COL23A1: variants seen among roughly 807,000 people sequenced by gnomAD.
COL23A1 encodes collagen type XXIII alpha 1 chain, also known as collagen alpha-1(XXIII) chain.
COL23A1 carries 97 observed loss-of-function variants against 99.3 expected under a neutral mutation model. The observed-to-expected ratio is 0.98, with a 90% CI of 0.83 to 1.16. The LOEUF (loss-of-function observed/expected upper bound fraction) is 1.16, where lower values mean the gene tolerates loss of function less well. Among genes scored for constraint, COL23A1 ranks in the 50% most tolerant of loss-of-function variants. COL23A1 has a pLI of 0.00. For missense variants in COL23A1, 762 were observed against 757.4 expected (o/e 1.01, Z -0.07); for synonymous variants, 320 against 308.2 (o/e 1.04, Z -0.40).
Position 178,263,305 on chromosome 5 carries a change from C to T in COL23A1, c.542G>A (p.Gly181Glu), listed in dbSNP as rs746848911. The T allele has an allele frequency of 1.9e-6, 3 of 1,601,038 alleles. No homozygotes were observed. Among genetic ancestry groups the T allele is most frequent in the Non-Finnish European group, 2.6e-6 (3 of 1,175,766 alleles). Residue 181 changes from glycine to glutamate, a missense_variant, in exon 9 of 29, where the codon GGA becomes GAA. By Grantham distance (98) the Gly-to-Glu change is moderately conservative. Transcript: ENST00000390654. ...FGPRGDQGQD[G>E]AAGPPGPPGP... ...AGGGGGCCCCGGAGGCCCAGCAGCT[C>T]CATCTTGTCCTTGGTCTCCCTGAAA...
In COL23A1 at chr5:178,469,428, GC is replaced by G. The variant is rs751742576; in HGVS notation, c.361+91253del. The stretch of plus-strand genomic sequence containing the variant: ...TTCCTCTGAGATACTGTTGTTCTAA[GC>G]CCCACCACATTCTACGAAGCTCCAT... On this transcript the variant is annotated intron_variant, in intron 2 of 28. Coordinates refer to ENST00000390654, the MANE Select transcript of COL23A1 (RefSeq NM_173465.4). 3.9e-5 allele frequency among the ~76,000 whole-genome samples: 6 copies of G among 152,242 alleles called. No homozygotes were observed. In the East Asian group the frequency reaches 9.7e-4, roughly 25 times the overall value.
chr5:178,324,750 C>T (rs749425), intron 2 of COL23A1, among the ~76,000 whole-genome samples: 13,052 of 152,288 alleles, frequency 0.086, 616 homozygotes, highest in Middle Eastern at 0.15. Context: ...CCAGTTCTAA[C>T]GGAAATGGGT....
At chr5:178,326,931 G>A (rs143752704) in intron 2 of COL23A1, among the ~76,000 whole-genome samples, 4,824 of 152,288 alleles carry the variant, frequency 0.032, 98 homozygotes, top group Non-Finnish European at 0.042. Flanking sequence ...TGCTGGTCAG[G>A]CTGGTCTCGA....
At chr5:178,381,222 G>A (rs576138607) in intron 2 of COL23A1, among the ~76,000 whole-genome samples, 3 of 152,326 alleles carry the variant, frequency 2.0e-5, no homozygotes, top group South Asian at 2.1e-4. Context: ...AGGTCCCTTC[G>A]GACTTGGGAA....
rs190755231 is a variant in COL23A1, at chr5:178,244,060, A to T, written c.1441-1666T>A. Reference sequence around the variant, plus strand: ...AGTGGCACGATCTCAGCTCATTGCAAGCTCCGCCTCCTGGGCTCATGCCAT... The same window carrying T: ...AGTGGCACGATCTCAGCTCATTGCATGCTCCGCCTCCTGGGCTCATGCCAT... On this transcript the variant is annotated intron_variant, in intron 25 of 28. Coordinates refer to ENST00000390654, the MANE Select transcript of COL23A1 (RefSeq NM_173465.4). Among the ~76,000 whole-genome samples, 838 of 152,194 alleles carry T rather than the reference A, an allele frequency of 5.5e-3. 10 individuals are homozygous for T. The highest frequency in any genetic ancestry group is 0.019 in the African/African-American group (793 of 41,514).
rs1403335955 is a variant in COL23A1 at position 178,584,162 on chromosome 5, A to G, written c.294+5742T>C. Among the ~76,000 whole-genome samples, 22 of 152,014 alleles carry G rather than the reference A, an allele frequency of 1.4e-4. 1 individual carries two copies. Among genetic ancestry groups the G allele is most frequent in the Admixed American group, 1.4e-3 (22 of 15,276 alleles). On this transcript the variant is annotated intron_variant, in intron 1 of 28. Transcript: ENST00000390654. The stretch of plus-strand genomic sequence containing the variant: ...GTAGCTGGGATTACAGGCACATGTC[A>G]CCATGCCTGGCTAAATTTGGTGTTT...
At chr5:178,459,032 T>C (rs1444163193) in intron 2 of COL23A1, among the ~76,000 whole-genome samples, 1 of 151,898 alleles carries the variant, frequency 6.6e-6, no homozygotes, top group Non-Finnish European at 1.5e-5. Context: ...TAAGAAAAAA[T>C]TAAAGGGAAG....
At chr5:178,562,506 G>A (rs1327563665) in intron 1 of COL23A1, 1 of 149,164 alleles carries the variant, frequency 6.7e-6, no homozygotes, top group African/African-American at 2.5e-5. Context: ...AGTGAGCCGA[G>A]ATTGCGCCAC....
intron 2 of COL23A1, among the ~76,000 whole-genome samples, chr5:178,515,849 C>G (rs1312881117): frequency 6.6e-6 from 1 of 152,158 alleles, no homozygotes; most frequent in East Asian, 1.9e-4. Flanking sequence ...CCCACTCCCC[C>G]AGTAACGCAC....
Position 178,428,982 on chromosome 5 carries a change from C to T in COL23A1, c.362-122063G>A, listed in dbSNP as rs1168513888. On this transcript the variant is annotated intron_variant, in intron 2 of 28. Transcript: ENST00000390654. The surrounding 1 kb of genome is among the most constrained non-coding windows in gnomAD (Gnocchi z 5.0). ...GAGACCCTACCACACCCCAGTGCTG[C>T]CCAGGCCCAGCACCCGGGGTGCGGG... is the stretch of plus-strand genomic sequence containing the variant. Among the ~76,000 whole-genome samples, 3 of 152,108 alleles carry T rather than the reference C, an allele frequency of 2.0e-5. No homozygotes were observed. Among genetic ancestry groups the T allele is most frequent in the African/African-American group, 7.2e-5 (3 of 41,418 alleles).
chr5:178,449,714 C>A (rs1236523956), intron 2 of COL23A1, among the ~76,000 whole-genome samples: 3 of 152,014 alleles, frequency 2.0e-5, no homozygotes, highest in Admixed American at 2.0e-4. Context: ...GAGAAGTGGC[C>A]CGAGACACAG....
intron 2 of COL23A1, among the ~76,000 whole-genome samples, chr5:178,346,245 G>A (rs1323706942): frequency 6.6e-6 from 1 of 151,956 alleles, no homozygotes; most frequent in African/African-American, 2.4e-5. Flanking sequence ...TTGTTTGTTT[G>A]TTTTTTAAGA....
At chr5:178,517,399 G>A (rs1340376252) in intron 2 of COL23A1, among the ~76,000 whole-genome samples, 1 of 152,090 alleles carries the variant, frequency 6.6e-6, no homozygotes, top group Admixed American at 6.5e-5. Flanking sequence ...TGTGGAGGGA[G>A]AGGGCCCATG....
chr5:178,365,698 G>C lies in COL23A1; in HGVS notation c.362-58779C>G, dbSNP rs565587930. Among the ~76,000 whole-genome samples the C allele has an allele frequency of 6.6e-6, 1 of 152,118 alleles. No homozygotes were observed. The highest frequency in any genetic ancestry group is 1.5e-5 in the Non-Finnish European group (1 of 68,028). ...TGCGTGCTGTTCCCGGCAGACCCTT[G>C]CGTTTCCTGTTCTCTGCCTGGAAAG... On this transcript the variant is annotated intron_variant, in intron 2 of 28. Transcript: ENST00000390654. This position sits in a 1 kb window ranked among gnomAD's most constrained non-coding sequence, Gnocchi z 5.2.
Position 178,357,968 on chromosome 5 carries a change from GTATGTGTATA to G in COL23A1, c.362-51059_362-51050del, listed in dbSNP as rs1761812533. Among the ~76,000 whole-genome samples, 2 of 135,164 alleles carry G rather than the reference GTATGTGTATA, an allele frequency of 1.5e-5. 1 individual carries two copies. The highest frequency in any genetic ancestry group is 5.1e-4 in the South Asian group (2 of 3,958). The allele number at this position is 135,164 out of a possible 152,430, so 88.7% of individuals were successfully genotyped here. The stretch of plus-strand genomic sequence containing the variant: ...TGTGTGTATGTATATGTGTGTATGT[GTATGTGTATA>G]TATGTGTGTATGCGTGTGTGTATAT... On this transcript the variant is annotated intron_variant, in intron 2 of 28. Transcript: ENST00000390654.
chr5:178,531,912 C>T lies in COL23A1; in HGVS notation c.361+28770G>A, dbSNP rs708131. On this transcript the variant is annotated intron_variant, in intron 2 of 28. Transcript: ENST00000390654. Reference sequence around the variant, plus strand: ...GTTCTCCTCTCAGTCCTGGAGTCACCGAACCACAACACCAAACTCAAGGTG... The same window carrying T: ...GTTCTCCTCTCAGTCCTGGAGTCACTGAACCACAACACCAAACTCAAGGTG... Among the ~76,000 whole-genome samples the T allele has an allele frequency of 3.3e-3, 499 of 152,290 alleles. 2 individuals are homozygous for T. Among genetic ancestry groups the T allele is most frequent in the African/African-American group, 0.011 (468 of 41,548 alleles).
At chr5:178,362,343 C>G (rs1004276176) in intron 2 of COL23A1, among the ~76,000 whole-genome samples, 2 of 152,138 alleles carry the variant, frequency 1.3e-5, no homozygotes, top group Admixed American at 1.3e-4. Flanking sequence ...TCCCACTGAA[C>G]CATGGACAGC....
chr5:178,451,391 C>T (rs1192166133), intron 2 of COL23A1, among the ~76,000 whole-genome samples: 1 of 152,088 alleles, frequency 6.6e-6, no homozygotes, highest in East Asian at 1.9e-4. Context: ...CACGGTGGCT[C>T]ACACCTGTAA....
chr5:178,565,839 G>A (rs1022571270), intron 1 of COL23A1, among the ~76,000 whole-genome samples: 2 of 151,856 alleles, frequency 1.3e-5, no homozygotes, highest in Non-Finnish European at 2.9e-5. Flanking sequence ...AGGGCCGGGC[G>A]CGGTGGCTCA....
Sources: allele counts gnomAD v4.1 joint callset (sites outside exome capture counted in the v4.1 genomes callset), GRCh38; gene constraint gnomAD v4.1.1; non-coding constraint Gnocchi (gnomAD v3.1); transcripts MANE v1.5; gene names NCBI Gene and HGNC (gene_info 2026-07-23, HGNC 2026-07-21).